The following CELF2 variants were observed in gnomAD, a reference collection of about 807,000 sequenced individuals.
CELF2 encodes CUG triplet repeat RNA-binding protein 2.
In CELF2, 8 loss-of-function variants were observed where a neutral mutation model predicts 62.6. The observed-to-expected ratio is 0.13, with a 90% CI of 0.07 to 0.23. The LOEUF is 0.23. Ranked by LOEUF, CELF2 falls within the 10% of genes least tolerant of loss-of-function variation. CELF2 has a pLI of 1.00. For missense variants in CELF2, 333 were observed against 671.0 expected, an observed-to-expected ratio of 0.50 and a Z score of 5.56; for synonymous variants, 258 against 250.0, an observed-to-expected ratio of 1.03 and a Z score of -0.30.
the CELF2 span, among the ~76,000 whole-genome samples, chr10:10,762,446 T>A: frequency 6.6e-6 from 1 of 152,146 alleles, no homozygotes; most frequent in Non-Finnish European, 1.5e-5. Context: ...AGGAAAATCA[T>A]CTGAGAATTT....
chr10:10,960,374 T>A (rs1356182592), intron 2 of CELF2: 1 of 152,246 alleles, frequency 6.6e-6, no homozygotes, highest in Non-Finnish European at 1.5e-5. Context: ...GTATTCACAT[T>A]TTTGGTCCAG....
At chr10:10,980,084 A>G (rs567100377) in intron 2 of CELF2, among the ~76,000 whole-genome samples, 1 of 152,342 alleles carries the variant, frequency 6.6e-6, no homozygotes, top group East Asian at 1.9e-4. Context: ...TTCCCTAAAA[A>G]GTTGCTGAAA....
intron 1 of CELF2, among the ~76,000 whole-genome samples, chr10:11,083,345 A>G (rs2074536712): frequency 6.6e-6 from 1 of 152,198 alleles, no homozygotes. Flanking sequence ...GCTCTGTGAA[A>G]GGGGCTTCTA....
intron 2 of CELF2, among the ~76,000 whole-genome samples, chr10:10,988,793 A>G (rs551643836): frequency 3.9e-5 from 6 of 152,318 alleles, no homozygotes; most frequent in African/African-American, 1.4e-4. Flanking sequence ...TGGGTAAGAG[A>G]TGAGCAAGGG....
At chr10:10,881,886 T>C (rs981474293) in intron 1 of CELF2, among the ~76,000 whole-genome samples, 1 of 152,248 alleles carries the variant, frequency 6.6e-6, no homozygotes, top group African/African-American at 2.4e-5. Flanking sequence ...ATCTTCAATA[T>C]GTTCCATCTT....
the CELF2 span, among the ~76,000 whole-genome samples, chr10:10,603,784 T>TACACACACACACACACACACAC: frequency 6.7e-6 from 1 of 148,446 alleles, no homozygotes; most frequent in Non-Finnish European, 1.5e-5. Context: ...TATTTACACA[T>TACACACACACACACACACACAC]ACACACACAC....
chr10:10,500,671 A>G, the CELF2 span, among the ~76,000 whole-genome samples: 1 of 152,148 alleles, frequency 6.6e-6, no homozygotes, highest in Non-Finnish European at 1.5e-5. Flanking sequence ...CAGCATGAAA[A>G]TGGACTAATA....
chr10:10,512,999 T>C, the CELF2 span, among the ~76,000 whole-genome samples: 3 of 152,170 alleles, frequency 2.0e-5, no homozygotes, highest in African/African-American at 7.2e-5. Flanking sequence ...ATACATTCAA[T>C]ACCATGAAAA....
the CELF2 span, among the ~76,000 whole-genome samples, chr10:10,713,431 C>T: frequency 6.6e-6 from 1 of 152,140 alleles, no homozygotes; most frequent in African/African-American, 2.4e-5. Context: ...TAGATGTCAT[C>T]TAAACAATGG....
chr10:11,189,610 G>C (rs2075828677), intron 2 of CELF2, among the ~76,000 whole-genome samples: 1 of 152,160 alleles, frequency 6.6e-6, no homozygotes, highest in Non-Finnish European at 1.5e-5. Context: ...CTCAGCTCAG[G>C]GAGTATACTG....
At position 10,938,850 on chromosome 10, in the gene CELF2, G is replaced by T. The variant is rs947717203; in HGVS notation, c.89+18851G>T. 6.6e-6 allele frequency among the ~76,000 whole-genome samples: 1 copy of T among 152,220 alleles called. No individual in the cohort carries two copies. The highest frequency in any genetic ancestry group is 1.5e-5 in the Non-Finnish European group (1 of 68,048). ...CCCACCGAGGGACGCAGAAGCAGCTGTCTTTTTCCATCTGCCCTGCCTCTT... is the reference window on the plus strand; with the variant it reads ...CCCACCGAGGGACGCAGAAGCAGCTTTCTTTTTCCATCTGCCCTGCCTCTT... On this transcript the variant is annotated intron_variant, in intron 2 of 13. Coordinates refer to the CELF2 transcript ENST00000636488. The surrounding 1 kb of genome is among the most constrained non-coding windows in gnomAD (Gnocchi z 4.2).
chr10:11,236,611 T>C (rs1024920071), intron 3 of CELF2, among the ~76,000 whole-genome samples: 14 of 152,342 alleles, frequency 9.2e-5, no homozygotes, highest in African/African-American at 3.4e-4. Context: ...TAATGAGTTA[T>C]CTGAAAAGAA....
At chr10:11,238,622 G>A (rs946779926) in intron 3 of CELF2, among the ~76,000 whole-genome samples, 1 of 152,170 alleles carries the variant, frequency 6.6e-6, no homozygotes, top group Non-Finnish European at 1.5e-5. Context: ...TAAACACAGT[G>A]ACAGTACCTT....
At chr10:10,782,263 T>C in the CELF2 span, among the ~76,000 whole-genome samples, 2 of 152,186 alleles carry the variant, frequency 1.3e-5, no homozygotes, top group South Asian at 4.1e-4. Flanking sequence ...CCAGGAAAGC[T>C]AGTGGTTTTG....
intron 11 of CELF2, among the ~76,000 whole-genome samples, chr10:11,323,274 A>G (rs895680269): frequency 3.3e-5 from 5 of 151,952 alleles, no homozygotes; most frequent in Non-Finnish European, 7.4e-5. Context: ...TGATTTGTTC[A>G]GTTTTTCTTT....
At chr10:10,767,734 C>T in the CELF2 span, among the ~76,000 whole-genome samples, 2 of 152,158 alleles carry the variant, frequency 1.3e-5, no homozygotes, top group Non-Finnish European at 2.9e-5. Flanking sequence ...CAGTGGCTCA[C>T]GCCTGTAATC....
intron 1 of CELF2, among the ~76,000 whole-genome samples, chr10:11,135,530 G>A (rs899945915): frequency 3.9e-5 from 6 of 152,198 alleles, no homozygotes; most frequent in Admixed American, 1.3e-4. Context: ...TTGTATCAAT[G>A]CCTATGAAAT....
At chr10:11,009,008 G>T (rs1201452281) in intron 1 of CELF2, among the ~76,000 whole-genome samples, 1 of 22,316 alleles carries the variant, frequency 4.5e-5, no homozygotes, top group Non-Finnish European at 6.5e-5. Flanking sequence ...GAATTTGCGG[G>T]GGGGGGGGGG....
chr10:11,232,550 T>C (rs58449917), intron 3 of CELF2, among the ~76,000 whole-genome samples: 15,036 of 152,134 alleles, frequency 0.099, 1,006 homozygotes, highest in East Asian at 0.23. Context: ...AATGGTAAAA[T>C]CTATGGCTCG....
Sources: allele counts gnomAD v4.1 joint callset (sites outside exome capture counted in the v4.1 genomes callset), GRCh38; gene constraint gnomAD v4.1.1; non-coding constraint Gnocchi (gnomAD v3.1); transcripts MANE v1.5; gene names NCBI Gene and HGNC (gene_info 2026-07-23, HGNC 2026-07-21).